TTC17: variants seen among roughly 807,000 people sequenced by gnomAD.
TTC17 encodes tetratricopeptide repeat protein 17.
TTC17 carries 58 observed loss-of-function variants against 143.8 expected under a neutral mutation model. The observed-to-expected ratio is 0.40, with a 90% confidence interval of 0.33 to 0.50. TTC17 has a LOEUF of 0.50. Ranked by LOEUF, TTC17 falls within the 20% of genes least tolerant of loss-of-function variation. TTC17 has a pLI of 0.49. For synonymous variants in TTC17, 501 were observed against 497.8 expected (o/e 1.01, Z -0.09); for missense variants, 1,273 against 1,392.5 (o/e 0.91, Z 1.37).
chr11:43,467,104 A>G (rs1441907070), intron 21 of TTC17, among the ~76,000 whole-genome samples: 1 of 152,264 alleles, frequency 6.6e-6, no homozygotes, highest in East Asian at 1.9e-4. Context: ...CACTATGGAA[A>G]ACAGTATCAC....
intron 18 of TTC17, chr11:43,446,257 T>C: frequency 9.8e-7 from 1 of 1,023,282 alleles, no homozygotes; most frequent in Non-Finnish European, 1.2e-6. Flanking sequence ...ATATCACTCA[T>C]CCTTAAACTT....
intron 2 of TTC17, among the ~76,000 whole-genome samples, chr11:43,389,098 A>G (rs1857281000): frequency 1.3e-5 from 2 of 151,028 alleles, no homozygotes; most frequent in African/African-American, 4.9e-5. Context: ...TGATCACACC[A>G]CTGCAGCACT....
Position 43,450,210 on chromosome 11 carries a change from T to G in TTC17, c.2915T>G (p.Leu972Arg). 1 of 1,614,162 alleles carries G rather than the reference T, an allele frequency of 6.2e-7. No individual in the cohort carries two copies. Among genetic ancestry groups the G allele is most frequent in the Non-Finnish European group, 8.5e-7 (1 of 1,180,000 alleles). The change falls in exon 20 of 24, where the codon CTG becomes CGG. Residue 972 changes from leucine to arginine, a missense_variant. Transcript: ENST00000039989. ...HLHGVSNRAS[L>R]HYTGESQLTE... ...CATGGGGTTTCCAACCGAGCCAGCC[T>G]GCACTACACAGGGGAGAGTCAGTTA...
At chr11:43,475,384 G>A (rs974270341) in intron 21 of TTC17, among the ~76,000 whole-genome samples, 3 of 152,150 alleles carry the variant, frequency 2.0e-5, no homozygotes, top group Admixed American at 6.5e-5. Context: ...CAGGCTAAAG[G>A]TGCAGTGGCG....
intron 16 of TTC17, among the ~76,000 whole-genome samples, chr11:43,426,817 A>G (rs1463970552): frequency 6.6e-6 from 1 of 152,204 alleles, no homozygotes; most frequent in Admixed American, 6.5e-5. Flanking sequence ...TTATAACTTC[A>G]TTAGCCTCAG....
chr11:43,480,617 AAAT>A (rs1948268263), intron 21 of TTC17, among the ~76,000 whole-genome samples: 2 of 152,202 alleles, frequency 1.3e-5, no homozygotes, highest in Admixed American at 6.5e-5. Context: ...ACATTGTGGA[AAAT>A]AATAATTTGT....
intron 16 of TTC17, among the ~76,000 whole-genome samples, chr11:43,442,818 C>T (rs1326400779): frequency 6.6e-6 from 1 of 152,048 alleles, no homozygotes; most frequent in East Asian, 1.9e-4. Flanking sequence ...TTATATCAGC[C>T]ATTTAGTGAA....
chr11:43,384,144 CAAA>C (rs11299211), intron 2 of TTC17, among the ~76,000 whole-genome samples: 4 of 139,282 alleles, frequency 2.9e-5, no homozygotes, highest in Admixed American at 7.1e-5. Flanking sequence ...GACCCTGTCT[CAAA>C]AAAAAAAAAA....
chr11:43,396,624 C>A, intron 5 of TTC17, 85 bp from the exon 6 acceptor site: 1 of 662,706 alleles, frequency 1.5e-6, no homozygotes, highest in South Asian at 2.9e-5. Context: ...TTCAGAAGAG[C>A]CAGAATATTA....
chr11:43,494,890 G>A lies in TTC17; in HGVS notation c.*986G>A, dbSNP rs1948531728. 6.6e-6 allele frequency: 1 copy of A among 151,990 alleles called. No homozygotes were observed. The highest frequency in any genetic ancestry group is 2.1e-4 in the South Asian group (1 of 4,816). The allele number at this position is 151,990 out of a possible 1,614,324, so 9.4% of individuals were successfully genotyped here. ...ACTCCAACATTTTGGAATCTTCAAG[G>A]GCACATACTGAGAAAAAAAATAAAA... On this transcript the variant is annotated 3_prime_UTR_variant, in exon 24 of 24. Transcript: ENST00000039989.
intron 16 of TTC17, among the ~76,000 whole-genome samples, chr11:43,434,539 T>G (rs1947241692): frequency 6.6e-6 from 1 of 152,236 alleles, no homozygotes; most frequent in Non-Finnish European, 1.5e-5. Context: ...AAAATGAAGA[T>G]GCACATGGTT....
chr11:43,376,460 A>T (rs1856767026), intron 1 of TTC17, among the ~76,000 whole-genome samples: 1 of 152,202 alleles, frequency 6.6e-6, no homozygotes, highest in Non-Finnish European at 1.5e-5. Context: ...TATTATTTGC[A>T]TCATTTATTG....
At chr11:43,415,806 A>G (rs1946765306) in intron 16 of TTC17, among the ~76,000 whole-genome samples, 1 of 152,106 alleles carries the variant, frequency 6.6e-6, no homozygotes, top group Admixed American at 6.6e-5. Context: ...GAAACCAAGA[A>G]TCTCCCAGCA....
intron 22 of TTC17, chr11:43,491,371 T>G (rs537011236): frequency 6.6e-6 from 1 of 152,218 alleles, no homozygotes; most frequent in Non-Finnish European, 1.5e-5. Flanking sequence ...TGTTAGGCAA[T>G]AGGGAAGGGC....
chr11:43,494,330 C>T lies in TTC17; in HGVS notation c.*426C>T, dbSNP rs1948522550. On this transcript the variant is annotated 3_prime_UTR_variant, in exon 24 of 24. Transcript: ENST00000039989. ...TGTTGTCAATGGAAATGCGGAAGCC[C>T]ATCTGGTGCCCGTCAGTGAGAAGCA... 1 of 159,928 alleles carries T rather than the reference C, an allele frequency of 6.3e-6. No homozygotes were observed. The highest frequency in any genetic ancestry group is 1.9e-4 in the East Asian group (1 of 5,338). The allele number at this position is 159,928 out of a possible 1,614,324, so 9.9% of individuals were successfully genotyped here.
At position 43,493,956 on chromosome 11, in the gene TTC17, TAAGAA is replaced by T. The variant is rs770329416; in HGVS notation, c.*59_*63del. ...TTACTCATGCTCTAAAAAAAAAGAATAAGAAAAGAAACCAATCATTGTCAGTATCT... is the reference window on the plus strand; with the variant it reads ...TTACTCATGCTCTAAAAAAAAAGAATAAGAAACCAATCATTGTCAGTATCT... On this transcript the variant is annotated 3_prime_UTR_variant, in exon 24 of 24. Coordinates refer to ENST00000039989, the MANE Select transcript of TTC17 (RefSeq NM_018259.6). The T allele has an allele frequency of 5.3e-6, 8 of 1,513,682 alleles. No individual in the cohort carries two copies. The highest frequency in any genetic ancestry group is 4.5e-5 in the Admixed American group (2 of 44,670). The allele number at this position is 1,513,682 out of a possible 1,614,324, so 93.8% of individuals were successfully genotyped here. A position where few individuals can be genotyped will look rare whatever the true frequency, so the allele number is the denominator to read the frequency against.
intron 5 of TTC17, chr11:43,396,290 T>C (rs1303553484): frequency 6.6e-6 from 1 of 152,278 alleles, no homozygotes; most frequent in Non-Finnish European, 1.5e-5. Context: ...GTGCCTTCAC[T>C]CAGATATTAC....
intron 18 of TTC17, 147 bp downstream of exon 18, chr11:43,444,356 C>G (rs760112411): frequency 2.9e-6 from 2 of 689,054 alleles, no homozygotes; most frequent in Middle Eastern, 2.8e-4. Context: ...TCTTCTGTAT[C>G]AATGAAAAAA....
chr11:43,488,131 T>C (rs888966707), intron 21 of TTC17, among the ~76,000 whole-genome samples: 3 of 152,178 alleles, frequency 2.0e-5, no homozygotes, highest in African/African-American at 4.8e-5. Context: ...TATTAGAAGA[T>C]GAGCTTTAGC....
Sources: gnomAD v4.1 joint callset for allele counts (sites outside exome capture counted in the v4.1 genomes callset) on GRCh38, gnomAD v4.1.1 for gene constraint, MANE v1.5 for transcripts, NCBI Gene and HGNC (gene_info 2026-07-23, HGNC 2026-07-21) for gene names.